ZNF600: variants seen among roughly 807,000 people sequenced by gnomAD.
ZNF600 encodes the protein zinc finger protein 600.
Under a neutral mutation model 7.3 loss-of-function variants are expected in ZNF600, and 4 were observed. The observed-to-expected ratio is 0.55, with a 90% CI of 0.27 to 1.25. ZNF600 has a LOEUF of 1.25. ZNF600 is among the 50% of genes most tolerant of loss of function. The pLI, the probability that ZNF600 is intolerant of heterozygous loss-of-function variation, is 0.12. For synonymous variants in ZNF600, 290 were observed against 308.9 expected (o/e 0.94, Z 0.64); for missense variants, 911 against 922.1 (o/e 0.99, Z 0.16).
At chr19:52,779,303 C>T (rs55719143) in intron 1 of ZNF600, among the ~76,000 whole-genome samples, 3,869 of 152,316 alleles carry the variant, frequency 0.025, 80 homozygotes, top group African/African-American at 0.055. Flanking sequence ...TGACAAGCAC[C>T]TGCGCCACTG....
chr19:52,783,947 G>A (rs568792585), intron 1 of ZNF600, among the ~76,000 whole-genome samples: 1 of 152,098 alleles, frequency 6.6e-6, no homozygotes, highest in Non-Finnish European at 1.5e-5. Flanking sequence ...GGTGGCGCAT[G>A]CCAGTAATCC....
chr19:52,798,913 T>G, the ZNF600 span: 3 of 1,437,198 alleles, frequency 2.1e-6, no homozygotes, highest in Middle Eastern at 1.9e-4. Flanking sequence ...CACTAAAGGC[T>G]TTGCCACACT....
chr19:52,800,817 G>A, the ZNF600 span: 5 of 1,613,786 alleles, frequency 3.1e-6, no homozygotes, highest in Admixed American at 1.7e-5. Context: ...AGTATGTTTT[G>A]CTAGGTATGA....
the ZNF600 span, chr19:52,800,934 C>A: frequency 6.2e-7 from 1 of 1,614,146 alleles, no homozygotes; most frequent in South Asian, 1.1e-5. Flanking sequence ...AACTTTGTCA[C>A]ATTCTTCACA....
At chr19:52,770,521 G>A (rs1271838696) in intron 3 of ZNF600, among the ~76,000 whole-genome samples, 1 of 152,116 alleles carries the variant, frequency 6.6e-6, no homozygotes, top group Non-Finnish European at 1.5e-5. Context: ...TAACAGCCAG[G>A]CAATACAGCA....
At chr19:52,810,369 C>T in the ZNF600 span, 2 of 1,604,990 alleles carry the variant, frequency 1.2e-6, no homozygotes, top group Non-Finnish European at 1.7e-6. Flanking sequence ...AGCTCACTTT[C>T]ATGGCTGTGG....
At chr19:52,819,618 A>G in the ZNF600 span, among the ~76,000 whole-genome samples, 67 of 120,242 alleles carry the variant, frequency 5.6e-4, 6 homozygotes, top group African/African-American at 1.5e-3. Flanking sequence ...CATTTTCACG[A>G]AGTTACCCTG....
chr19:52,772,515 A>C (rs1217931069), intron 3 of ZNF600, among the ~76,000 whole-genome samples: 1 of 152,180 alleles, frequency 6.6e-6, no homozygotes, highest in Non-Finnish European at 1.5e-5. Context: ...CAGAAGGAGA[A>C]TCCCTTGAAC....
At chr19:52,786,819 A>T (rs765521542), upstream of ZNF600, 5 of 327,710 alleles carry the variant, frequency 1.5e-5, no homozygotes, top group Admixed American at 6.0e-5. Context: ...GGTTGGCTGG[A>T]CCTGGGCGGG....
the ZNF600 span, chr19:52,800,277 T>C: frequency 6.2e-7 from 1 of 1,607,266 alleles, no homozygotes. Flanking sequence ...ATTACACATG[T>C]ATGGTTTCTC....
chr19:52,779,587 G>A (rs2062704211), intron 1 of ZNF600, among the ~76,000 whole-genome samples: 1 of 152,172 alleles, frequency 6.6e-6, no homozygotes, highest in Admixed American at 6.5e-5. Flanking sequence ...ATGATGGGCT[G>A]TGTGAAAGGA....
chr19:52,787,334 T>G (rs370151311), upstream of ZNF600, among the ~76,000 whole-genome samples: 52 of 151,454 alleles, frequency 3.4e-4, no homozygotes, highest in South Asian at 3.8e-3. Context: ...GTCCAGGCCA[T>G]CCTGGGCGAC....
the ZNF600 span, among the ~76,000 whole-genome samples, chr19:52,818,700 C>A: frequency 1.5e-4 from 13 of 84,530 alleles, no homozygotes; most frequent in South Asian, 1.1e-3. Flanking sequence ...GAGTAAGACT[C>A]AAAAATAAAA....
At chr19:52,809,912 C>T in the ZNF600 span, 14 of 836,398 alleles carry the variant, frequency 1.7e-5, no homozygotes, top group East Asian at 1.6e-4. Flanking sequence ...ATCTTGTGCC[C>T]GGGGCCGGTG....
chr19:52,775,600 A>G (rs1010326947), intron 2 of ZNF600, among the ~76,000 whole-genome samples: 5 of 150,368 alleles, frequency 3.3e-5, no homozygotes, highest in African/African-American at 1.3e-4. Flanking sequence ...CAGACATGTC[A>G]GATATTATGT....
At chr19:52,771,425 T>C (rs889191371) in intron 3 of ZNF600, among the ~76,000 whole-genome samples, 10 of 152,224 alleles carry the variant, frequency 6.6e-5, no homozygotes, top group African/African-American at 2.2e-4. Flanking sequence ...GAGATTCTCA[T>C]GCCTCAGCCT....
At chr19:52,767,516 G>T (rs773819717) in exon 4 of ZNF600, 2 of 1,614,136 alleles carry the variant, frequency 1.2e-6, no homozygotes, top group Admixed American at 1.7e-5. Flanking sequence ...TAATAGGCTT[G>T]TTTCCAGCAT....
the ZNF600 span, chr19:52,809,918 C>A: frequency 1.2e-6 from 1 of 848,760 alleles, no homozygotes. Context: ...TGCCCGGGGC[C>A]GGTGGGGAGG....
chr19:52,810,082 G>GAGC, the ZNF600 span: 1 of 767,068 alleles, frequency 1.3e-6, no homozygotes, highest in Non-Finnish European at 2.3e-6. Context: ...CCTGGGCCTC[G>GAGC]TTCAGGAGCC....
Sources: gnomAD v4.1 joint callset for allele counts (sites outside exome capture counted in the v4.1 genomes callset) on GRCh38, gnomAD v4.1.1 for gene constraint, MANE v1.5 for transcripts, NCBI Gene and HGNC (gene_info 2026-07-23, HGNC 2026-07-21) for gene names.